DDX19B: variants seen among roughly 807,000 people sequenced by gnomAD.
DDX19B encodes the protein DEAD-box helicase 19B.
Under a neutral mutation model 58.1 loss-of-function variants are expected in DDX19B, and 27 were observed. The observed-to-expected ratio is 0.46, with a 90% CI of 0.34 to 0.64. DDX19B has a LOEUF of 0.64. DDX19B is among the 30% of genes least tolerant of loss of function. DDX19B has a pLI of 0.01. For missense variants in DDX19B, 399 were observed against 596.5 expected (o/e 0.67, Z 3.45); for synonymous variants, 187 against 214.4 (o/e 0.87, Z 1.12).
chr16:70,297,108 G>T (rs1167268910), upstream of DDX19B, among the ~76,000 whole-genome samples: 1 of 152,060 alleles, frequency 6.6e-6, no homozygotes, highest in Admixed American at 6.6e-5. Flanking sequence ...TAGAGACAGG[G>T]TTTCACCATG....
At chr16:70,322,891 CAAAAAAAAA>C (rs113261271) in intron 5 of DDX19B, among the ~76,000 whole-genome samples, 3 of 48,170 alleles carry the variant, frequency 6.2e-5, no homozygotes, top group Non-Finnish European at 1.3e-4. Context: ...AACTCCGTTG[CAAAAAAAAA>C]AAAAAAAAAA....
intron 5 of DDX19B, among the ~76,000 whole-genome samples, chr16:70,322,588 CAAAAA>C (rs568610716): frequency 2.1e-5 from 1 of 47,510 alleles, no homozygotes. Context: ...GACCTTGTCT[CAAAAA>C]AAAAAAAAAA....
intron 1 of DDX19B, among the ~76,000 whole-genome samples, chr16:70,308,816 T>G (rs145324465): frequency 6.6e-6 from 1 of 151,776 alleles, no homozygotes; most frequent in Non-Finnish European, 1.5e-5. Context: ...CCCAGCTGTT[T>G]TTTTTTTTTT....
At chr16:70,293,597 ATTTTTTTT>A (rs71151182), upstream of DDX19B, among the ~76,000 whole-genome samples, 4 of 77,026 alleles carry the variant, frequency 5.2e-5, no homozygotes, top group African/African-American at 1.3e-4. Flanking sequence ...GGATGGCTGA[ATTTTTTTT>A]TTTTTTTTTT....
intron 1 of DDX19B, 105 bp downstream of exon 1, chr16:70,299,459 G>C: frequency 7.4e-7 from 1 of 1,357,938 alleles, no homozygotes; most frequent in Admixed American, 2.8e-5. Context: ...GGATGGGGTG[G>C]CGGGGAGGAT....
At chr16:70,293,495 T>A (rs1961110558), upstream of DDX19B, among the ~76,000 whole-genome samples, 1 of 151,174 alleles carries the variant, frequency 6.6e-6, no homozygotes, top group South Asian at 2.1e-4. Context: ...GATGTAGCGC[T>A]AGACTCTTAA....
chr16:70,298,166 G>C (rs1382962045), upstream of DDX19B, among the ~76,000 whole-genome samples: 2 of 152,124 alleles, frequency 1.3e-5, no homozygotes, highest in Non-Finnish European at 2.9e-5. Flanking sequence ...CCAGCACTTT[G>C]GGAGGCCAAG....
chr16:70,310,196 T>C (rs1311786257), intron 1 of DDX19B, among the ~76,000 whole-genome samples: 2 of 151,944 alleles, frequency 1.3e-5, no homozygotes, highest in Non-Finnish European at 2.9e-5. Context: ...TCCTGGCCAA[T>C]GTGGTGAAAC....
At chr16:70,314,051 G>A (rs896742185) in intron 2 of DDX19B, among the ~76,000 whole-genome samples, 2 of 152,136 alleles carry the variant, frequency 1.3e-5, no homozygotes, top group South Asian at 4.1e-4. Context: ...AGAGGTTGCA[G>A]TGAGCTGAGA....
chr16:70,300,012 C>T (rs1055356693), intron 1 of DDX19B, among the ~76,000 whole-genome samples: 6 of 152,056 alleles, frequency 3.9e-5, no homozygotes, highest in East Asian at 1.9e-4. Context: ...TTTCTCCCAC[C>T]GAAACACTTT....
At chr16:70,329,663 G>T (rs1177612410) in intron 8 of DDX19B, among the ~76,000 whole-genome samples, 168 bp from the exon 9 acceptor site, 1 of 152,066 alleles carries the variant, frequency 6.6e-6, no homozygotes, top group Non-Finnish European at 1.5e-5. Flanking sequence ...GAGACCTAGG[G>T]ACTCTCCCCC....
At chr16:70,319,898 A>G (rs1962671284) in intron 5 of DDX19B, among the ~76,000 whole-genome samples, 1 of 152,152 alleles carries the variant, frequency 6.6e-6, no homozygotes, top group Non-Finnish European at 1.5e-5. Context: ...TCAAAAAATC[A>G]TAAATAAAAA....
chr16:70,304,436 G>A (rs1205760814), intron 1 of DDX19B, among the ~76,000 whole-genome samples: 1 of 147,268 alleles, frequency 6.8e-6, no homozygotes, highest in Admixed American at 6.8e-5. Flanking sequence ...GCAGTGGCGT[G>A]ATCTCAGCTC....
intron 1 of DDX19B, among the ~76,000 whole-genome samples, chr16:70,300,113 T>G (rs1961409270): frequency 6.6e-6 from 1 of 152,136 alleles, no homozygotes; most frequent in Non-Finnish European, 1.5e-5. Context: ...TTTTTATAGC[T>G]CATAAAAAAT....
At chr16:70,322,123 A>T (rs1962861790) in intron 5 of DDX19B, among the ~76,000 whole-genome samples, 1 of 152,160 alleles carries the variant, frequency 6.6e-6, no homozygotes, top group Non-Finnish European at 1.5e-5. Flanking sequence ...AGGCAGGCAG[A>T]TGGCTTGAGC....
At position 70,331,772 on chromosome 16, in the gene DDX19B, C is replaced by T. The variant is rs745341072; in HGVS notation, c.1074C>T (p.His358=). ...CAGCAGAGCTCTCAAAAGAAGGCCACCAGGTGGCTCTGCTGAGTGGGGAGA... is the reference window on the plus strand; with the variant it reads ...CAGCAGAGCTCTCAAAAGAAGGCCATCAGGTGGCTCTGCTGAGTGGGGAGA... ...WLAAELSKEG[H]QVALLSGEMM... Residue 358 remains histidine, a synonymous_variant, in exon 10 of 12, where the codon CAC becomes CAT. Coordinates refer to ENST00000288071, the MANE Select transcript of DDX19B (RefSeq NM_007242.7). 8 of 1,614,048 alleles carry T rather than the reference C, an allele frequency of 5.0e-6. No individual in the cohort carries two copies. In the African/African-American group the frequency reaches 6.7e-5, roughly 13 times the overall value.
chr16:70,312,414 C>T (rs978141350), intron 1 of DDX19B, among the ~76,000 whole-genome samples, 195 bp from the exon 2 acceptor site: 2 of 151,994 alleles, frequency 1.3e-5, no homozygotes, highest in East Asian at 3.9e-4. Flanking sequence ...TTTTTTCCAC[C>T]GATGTATTTA....
At chr16:70,330,595 A>G (rs1441581957) in intron 9 of DDX19B, among the ~76,000 whole-genome samples, 1 of 152,082 alleles carries the variant, frequency 6.6e-6, no homozygotes, top group East Asian at 1.9e-4. Flanking sequence ...TCTCAATACA[A>G]AAACAAACAA....
intron 7 of DDX19B, among the ~76,000 whole-genome samples, chr16:70,327,088 C>T (rs970376078): frequency 6.6e-5 from 10 of 151,810 alleles, no homozygotes; most frequent in Non-Finnish European, 1.5e-4. Flanking sequence ...CCCGCCTTGG[C>T]CTCCCAAAGT....
Sources: gnomAD v4.1 joint callset for allele counts (sites outside exome capture counted in the v4.1 genomes callset) on GRCh38, gnomAD v4.1.1 for gene constraint, MANE v1.5 for transcripts, NCBI Gene and HGNC (gene_info 2026-07-23, HGNC 2026-07-21) for gene names.